The following MYO16 variants were observed in gnomAD, a reference collection of about 807,000 sequenced individuals.
MYO16 encodes myosin XVI.
Under a neutral mutation model 205.3 loss-of-function variants are expected in MYO16, and 94 were observed. The observed-to-expected ratio is 0.46, with a 90% CI of 0.39 to 0.54. The LOEUF is 0.54. MYO16 is among the 20% of genes least tolerant of loss of function. The pLI, the probability that MYO16 is intolerant of heterozygous loss-of-function variation, is 0.00. For missense variants in MYO16, 2,315 were observed against 2,387.5 expected (o/e 0.97, Z 0.63); for synonymous variants, 988 against 954.0 (o/e 1.04, Z -0.66).
rs1877009660 is a variant in MYO16, at chr13:109,140,587, T to C, written c.4375T>C (p.Cys1459Arg). The part of the protein sequence containing the change: ...PGESVYEEMK[C>R]CLPDDGGPGA... Reference sequence around the variant, plus strand: ...GGAGTCCGTGTACGAGGAGATGAAGTGTTGCCTGCCCGACGACGGCGGCCC... The same window carrying C: ...GGAGTCCGTGTACGAGGAGATGAAGCGTTGCCTGCCCGACGACGGCGGCCC... The change falls in exon 32 of 35, where the codon TGT becomes CGT. Residue 1459 changes from cysteine to arginine, a missense_variant. Around this residue, in one of 3 missense-constraint regions of MYO16, gnomAD observed 1,097 missense variants for 1,092.0 expected, o/e 1.00. Transcript: ENST00000457511. The surrounding 1 kb of genome is among the most constrained non-coding windows in gnomAD (Gnocchi z 8.0). 9.8e-6 allele frequency: 15 copies of C among 1,528,622 alleles called. No homozygotes were observed. The highest frequency in any genetic ancestry group is 1.3e-5 in the Non-Finnish European group (15 of 1,144,314). The allele number at this position is 1,528,622 out of a possible 1,614,324, so 94.7% of individuals were successfully genotyped here. A position where few individuals can be genotyped will look rare whatever the true frequency, so the allele number is the denominator to read the frequency against.
intron 1 of MYO16, among the ~76,000 whole-genome samples, chr13:108,601,791 G>A (rs187177805): frequency 1.3e-5 from 2 of 152,184 alleles, no homozygotes; most frequent in African/African-American, 4.8e-5. Flanking sequence ...TTGGTTATGT[G>A]ACCTTTATGT....
At chr13:108,890,174 G>A (rs971655184) in intron 14 of MYO16, among the ~76,000 whole-genome samples, 1 of 146,274 alleles carries the variant, frequency 6.8e-6, no homozygotes, top group African/African-American at 2.5e-5. Context: ...GAACTCCTGG[G>A]CTCAAGTGAT....
At chr13:108,750,165 CTG>C (rs1168411928) in intron 4 of MYO16, among the ~76,000 whole-genome samples, 1 of 152,154 alleles carries the variant, frequency 6.6e-6, no homozygotes, top group Non-Finnish European at 1.5e-5. Context: ...TAAAACTAGT[CTG>C]TACGATATTG....
At chr13:108,738,568 A>G (rs992145856) in intron 4 of MYO16, among the ~76,000 whole-genome samples, 2 of 152,150 alleles carry the variant, frequency 1.3e-5, no homozygotes, top group African/African-American at 4.8e-5. Flanking sequence ...TATGTGGTCA[A>G]TTTTGGAATA....
At chr13:109,043,675 T>TA (rs1243753797) in intron 23 of MYO16, among the ~76,000 whole-genome samples, 1 of 152,010 alleles carries the variant, frequency 6.6e-6, no homozygotes. Flanking sequence ...GTAGTAAATA[T>TA]AAAAAAGCAG....
At chr13:109,005,541 A>G (rs770350825) in intron 21 of MYO16, among the ~76,000 whole-genome samples, 2 of 152,160 alleles carry the variant, frequency 1.3e-5, no homozygotes, top group African/African-American at 2.4e-5. Flanking sequence ...TCATATTAAT[A>G]ATAATAAAGA....
chr13:109,162,029 G>A lies in MYO16; in HGVS notation c.5165-2872G>A, dbSNP rs1431634324. Among the ~76,000 whole-genome samples, 1 of 152,230 alleles carries A rather than the reference G, an allele frequency of 6.6e-6. No homozygotes were observed. The highest frequency in any genetic ancestry group is 2.4e-5 in the African/African-American group (1 of 41,456). On this transcript the variant is annotated intron_variant, in intron 32 of 34. Coordinates refer to ENST00000457511, the MANE Select transcript of MYO16 (RefSeq NM_001198950.3). The surrounding 1 kb of genome is among the most constrained non-coding windows in gnomAD (Gnocchi z 4.6). Reference sequence around the variant, plus strand: ...TCCCAGGAGGCAGAGGTTGCAGGGAGCTGAGATCGTGCCACTGCCCTCCAG... The same window carrying A: ...TCCCAGGAGGCAGAGGTTGCAGGGAACTGAGATCGTGCCACTGCCCTCCAG...
At chr13:108,886,128 C>T (rs1382466005) in intron 13 of MYO16, among the ~76,000 whole-genome samples, 1 of 152,076 alleles carries the variant, frequency 6.6e-6, no homozygotes, top group Admixed American at 6.6e-5. Flanking sequence ...GCTGGGACTA[C>T]AGGCGCCCGC....
intron 23 of MYO16, among the ~76,000 whole-genome samples, chr13:109,022,870 CAT>C (rs1344133951): frequency 1.5e-5 from 2 of 133,706 alleles, no homozygotes; most frequent in African/African-American, 2.7e-5. Context: ...AATATATAAA[CAT>C]GTATATATTT....
At chr13:109,108,384 T>G (rs1326238421) in intron 28 of MYO16, among the ~76,000 whole-genome samples, 1 of 152,232 alleles carries the variant, frequency 6.6e-6, no homozygotes, top group African/African-American at 2.4e-5. Flanking sequence ...AATTTTACAT[T>G]TTTTCACTCA....
chr13:108,674,347 TA>T (rs748639104), intron 2 of MYO16, among the ~76,000 whole-genome samples: 37 of 151,970 alleles, frequency 2.4e-4, no homozygotes, highest in African/African-American at 7.2e-4. Flanking sequence ...TAAGCTTATT[TA>T]AAAAAAAATT....
chr13:109,040,075 C>T (rs535610326), intron 23 of MYO16, among the ~76,000 whole-genome samples: 3 of 152,072 alleles, frequency 2.0e-5, no homozygotes, highest in South Asian at 2.1e-4. Flanking sequence ...TCTATGACTT[C>T]GATGAATGGA....
At chr13:108,886,081 G>A (rs1031262246) in intron 13 of MYO16, among the ~76,000 whole-genome samples, 3 of 151,926 alleles carry the variant, frequency 2.0e-5, no homozygotes, top group Admixed American at 6.5e-5. Flanking sequence ...TCCGCCTCCC[G>A]GGTTGACGTC....
chr13:109,130,037 T>TAC (rs535095130), intron 31 of MYO16, among the ~76,000 whole-genome samples: 1,511 of 147,258 alleles, frequency 0.01, 9 homozygotes, highest in Middle Eastern at 0.018. Flanking sequence ...GAGATATATA[T>TAC]ACACACACAC....
At chr13:109,048,193 G>GAA in intron 24 of MYO16, 1 of 392,236 alleles carries the variant, frequency 2.5e-6, no homozygotes, top group Non-Finnish European at 4.8e-6. Flanking sequence ...GTGTGTGTGT[G>GAA]TGTGTGTGTA....
the MYO16 span, among the ~76,000 whole-genome samples, chr13:108,526,611 A>G: frequency 8.9e-4 from 136 of 152,344 alleles, no homozygotes; most frequent in South Asian, 3.1e-3. Context: ...AAACGAAATC[A>G]TTTTAATTTA....
At chr13:108,666,799 T>G (rs2139435085) in intron 2 of MYO16, among the ~76,000 whole-genome samples, 1 of 152,346 alleles carries the variant, frequency 6.6e-6, no homozygotes, top group Middle Eastern at 3.4e-3. Context: ...CACAAGACTG[T>G]TAAATTTTTT....
At chr13:109,129,999 CAATT>C (rs1876451386) in intron 31 of MYO16, among the ~76,000 whole-genome samples, 2 of 147,006 alleles carry the variant, frequency 1.4e-5, no homozygotes, top group African/African-American at 2.5e-5. Flanking sequence ...AAAAAAAAGT[CAATT>C]AAAATAAAAG....
intron 32 of MYO16, among the ~76,000 whole-genome samples, chr13:109,153,530 C>T (rs764671369): frequency 4.6e-5 from 7 of 152,080 alleles, no homozygotes; most frequent in African/African-American, 7.2e-5. Flanking sequence ...AAGCCAAGAC[C>T]GTCCGATCAC....
Sources: gnomAD v4.1 joint callset for allele counts (sites outside exome capture counted in the v4.1 genomes callset) on GRCh38, gnomAD v4.1.1 for gene constraint, gnomAD v4.1.1 regional missense constraint, Gnocchi (gnomAD v3.1) non-coding constraint, MANE v1.5 for transcripts, NCBI Gene and HGNC (gene_info 2026-07-23, HGNC 2026-07-21) for gene names.